SETBP1: variants seen among roughly 807,000 people sequenced by gnomAD.
SETBP1 encodes SET-binding protein.
A neutral mutation model predicts 101.0 loss-of-function variants in SETBP1; 9 were observed. That is an observed-to-expected ratio of 0.09 (90% CI 0.05 to 0.16). The LOEUF (loss-of-function observed/expected upper bound fraction) is 0.16. Among genes scored for constraint, SETBP1 ranks in the 10% least tolerant of loss-of-function variants. SETBP1 has a pLI of 1.00. For missense variants in SETBP1, 1,858 were observed against 2,033.8 expected (o/e 0.91, Z 1.66); for synonymous variants, 818 against 788.5 (o/e 1.04, Z -0.63).
At chr18:44,720,431 A>G (rs941237866) in intron 2 of SETBP1, among the ~76,000 whole-genome samples, 10 of 152,232 alleles carry the variant, frequency 6.6e-5, no homozygotes, top group African/African-American at 2.4e-4. Context: ...TATATTTGAG[A>G]AAAAAAGTAG....
At chr18:44,880,846 C>T (rs2144735884) in intron 3 of SETBP1, among the ~76,000 whole-genome samples, 1 of 152,302 alleles carries the variant, frequency 6.6e-6, no homozygotes, top group South Asian at 2.1e-4. Flanking sequence ...TCCCACAAGG[C>T]TCCACCTCCA....
intron 2 of SETBP1, among the ~76,000 whole-genome samples, chr18:44,822,803 A>G (rs2072141428): frequency 6.6e-6 from 1 of 152,210 alleles, no homozygotes; most frequent in East Asian, 1.9e-4. Context: ...ACTAGTACAC[A>G]TATACATGTA....
At position 44,876,397 on chromosome 18, in the gene SETBP1, G is replaced by T. The variant is rs542153051; in HGVS notation, c.540+7114G>T. 2.0e-5 allele frequency among the ~76,000 whole-genome samples: 3 copies of T among 152,254 alleles called. No homozygotes were observed. The South Asian group carries it at 6.2e-4, about 32-fold the overall frequency. ...GAACGAGACACTAGAGACCAGAAAA[G>T]TTGCCATTCCCAGCCTTGGCTGCAG... On this transcript the variant is annotated intron_variant, in intron 3 of 5. Coordinates refer to ENST00000649279, the MANE Select transcript of SETBP1 (RefSeq NM_015559.3).
chr18:44,904,362 T>G (rs1301342394), intron 3 of SETBP1, among the ~76,000 whole-genome samples: 1 of 152,202 alleles, frequency 6.6e-6, no homozygotes, highest in Non-Finnish European at 1.5e-5. Flanking sequence ...TCCTTTTTGT[T>G]TCATGGGCAT....
intron 2 of SETBP1, among the ~76,000 whole-genome samples, chr18:44,807,412 T>C (rs1017651200): frequency 6.6e-6 from 1 of 152,192 alleles, no homozygotes; most frequent in Non-Finnish European, 1.5e-5. Flanking sequence ...TTCTATCCTA[T>C]TTTAAATTAT....
At chr18:45,036,168 C>T (rs554619355) in intron 4 of SETBP1, among the ~76,000 whole-genome samples, 1 of 152,084 alleles carries the variant, frequency 6.6e-6, no homozygotes, top group South Asian at 2.1e-4. Flanking sequence ...CCCGTCTGTA[C>T]TAAAAATACA....
chr18:44,734,334 C>T (rs1021329513), intron 2 of SETBP1, among the ~76,000 whole-genome samples: 1 of 152,200 alleles, frequency 6.6e-6, no homozygotes, highest in Non-Finnish European at 1.5e-5. Flanking sequence ...CCTGGGCCTT[C>T]CTGAAGACTG....
chr18:44,927,817 C>A (rs2070738596), intron 3 of SETBP1, among the ~76,000 whole-genome samples: 1 of 152,052 alleles, frequency 6.6e-6, no homozygotes, highest in African/African-American at 2.4e-5. Context: ...CATGCTGTAC[C>A]CCTGTTAGTG....
intron 2 of SETBP1, among the ~76,000 whole-genome samples, chr18:44,863,927 T>C (rs1472175323): frequency 1.3e-5 from 2 of 152,138 alleles, no homozygotes; most frequent in Non-Finnish European, 2.9e-5. Flanking sequence ...TCTGGCCAGA[T>C]GTTCAGCATG....
intron 3 of SETBP1, among the ~76,000 whole-genome samples, chr18:44,940,770 G>C (rs1415830096): frequency 6.6e-6 from 1 of 152,096 alleles, no homozygotes; most frequent in Non-Finnish European, 1.5e-5. Context: ...AACAAGAATA[G>C]AATATTTTGT....
At chr18:44,789,552 G>C (rs185227200) in intron 2 of SETBP1, among the ~76,000 whole-genome samples, 104 of 152,302 alleles carry the variant, frequency 6.8e-4, no homozygotes, top group African/African-American at 2.5e-3. Flanking sequence ...TTTCCAGGCT[G>C]TGTCCATTTA....
chr18:45,013,670 C>T (rs1182721620), intron 4 of SETBP1, among the ~76,000 whole-genome samples: 2 of 152,160 alleles, frequency 1.3e-5, no homozygotes, highest in Non-Finnish European at 2.9e-5. Flanking sequence ...GAACTCCTGA[C>T]CTCATGATCC....
At chr18:44,819,300 T>C (rs2144369138) in intron 2 of SETBP1, among the ~76,000 whole-genome samples, 1 of 152,300 alleles carries the variant, frequency 6.6e-6, no homozygotes, top group Non-Finnish European at 1.5e-5. Context: ...TTCTCTCTCA[T>C]CAGAACTTCT....
At chr18:45,024,678 G>A (rs72896831) in intron 4 of SETBP1, among the ~76,000 whole-genome samples, 7,343 of 152,284 alleles carry the variant, frequency 0.048, 186 homozygotes, top group South Asian at 0.096. Flanking sequence ...TGCGCACAAT[G>A]CAGTGGTTGG....
intron 2 of SETBP1, among the ~76,000 whole-genome samples, chr18:44,788,306 G>A (rs1021455771): frequency 6.6e-6 from 1 of 152,132 alleles, no homozygotes; most frequent in Non-Finnish European, 1.5e-5. Flanking sequence ...GTATATTTTG[G>A]GGGGCTTGTC....
chr18:44,753,433 A>G (rs2070430146), intron 2 of SETBP1, among the ~76,000 whole-genome samples: 1 of 152,254 alleles, frequency 6.6e-6, no homozygotes, highest in Non-Finnish European at 1.5e-5. Context: ...AGCCTGGGTT[A>G]CTTAATGTCG....
intron 2 of SETBP1, among the ~76,000 whole-genome samples, chr18:44,725,510 G>A (rs2069687347): frequency 1.3e-5 from 2 of 152,084 alleles, no homozygotes; most frequent in South Asian, 4.1e-4. Flanking sequence ...TGAAAGATTC[G>A]GCTTTCATAT....
At chr18:45,045,421 C>T (rs1310469393) in intron 5 of SETBP1, among the ~76,000 whole-genome samples, 1 of 152,130 alleles carries the variant, frequency 6.6e-6, no homozygotes, top group Admixed American at 6.5e-5. Flanking sequence ...ACAGAGCAAG[C>T]TCCATCCTCC....
At chr18:44,688,395 A>C (rs1240725956) in intron 1 of SETBP1, among the ~76,000 whole-genome samples, 1 of 152,104 alleles carries the variant, frequency 6.6e-6, no homozygotes, top group Non-Finnish European at 1.5e-5. Flanking sequence ...TAGCAGACTA[A>C]TGAAATCTGC....
Sources: allele counts gnomAD v4.1 joint callset (sites outside exome capture counted in the v4.1 genomes callset), GRCh38; gene constraint gnomAD v4.1.1; transcripts MANE v1.5; gene names NCBI Gene and HGNC (gene_info 2026-07-23, HGNC 2026-07-21).